Variants in TMEM231 observed in about 807,000 individuals in gnomAD.
TMEM231 encodes transmembrane protein 231.
In TMEM231, 40 loss-of-function variants were observed where a neutral mutation model predicts 38.5. The observed-to-expected ratio is 1.04, with a 90% CI of 0.81 to 1.35. The LOEUF (loss-of-function observed/expected upper bound fraction) is 1.35. TMEM231 is among the 40% of genes most tolerant of loss of function. The pLI is 0.00. For synonymous variants in TMEM231, 199 were observed against 181.7 expected (o/e 1.10, Z -0.77); for missense variants, 420 against 416.9 (o/e 1.01, Z -0.07).
rs138251678 is a variant in TMEM231, at chr16:75,538,538, T to G, written c.*1456A>C. 6.6e-6 allele frequency: 1 copy of G among 152,180 alleles called. No individual in the cohort carries two copies. The highest frequency in any genetic ancestry group is 1.5e-5 in the Non-Finnish European group (1 of 68,006). The allele number at this position is 152,180 out of a possible 1,614,324, so 9.4% of individuals were successfully genotyped here. ...TATTAAAAAAAGACAAGGGGGTCAG[T>G]GTTAGGGAATTCCTCTGCTTGAATA... On this transcript the variant is annotated 3_prime_UTR_variant, in exon 7 of 7. Transcript: ENST00000258173.
rs753713767 is a variant in TMEM231, at chr16:75,537,344, A to AG, written c.*2649dup. 8.5e-5 allele frequency: 13 copies of AG among 152,058 alleles called. No homozygotes were observed. The highest frequency in any genetic ancestry group is 4.1e-4 in the South Asian group (2 of 4,824). The allele number at this position is 152,058 out of a possible 1,614,324, so 9.4% of individuals were successfully genotyped here. On this transcript the variant is annotated 3_prime_UTR_variant, in exon 7 of 7. Coordinates refer to ENST00000258173, the MANE Select transcript of TMEM231 (RefSeq NM_001077418.3). ...TATTAGCCTTACATGATGGAATATTAGGGGGGCCTCATCTGACTTAAGCCG... is the reference window on the plus strand; with the variant it reads ...TATTAGCCTTACATGATGGAATATTAGGGGGGGCCTCATCTGACTTAAGCCG...
intron 2 of TMEM231, chr16:75,555,293 G>A (rs1416497639): frequency 6.5e-6 from 1 of 154,406 alleles, no homozygotes; most frequent in African/African-American, 2.4e-5. Context: ...AGGGAGGCGT[G>A]ACTCGGCCAC....
At chr16:75,552,959 G>C (rs1212607155) in intron 2 of TMEM231, among the ~76,000 whole-genome samples, 1 of 152,154 alleles carries the variant, frequency 6.6e-6, no homozygotes, top group African/African-American at 2.4e-5. Context: ...CTTGAGGCTT[G>C]AGGGGGAAAA....
chr16:75,548,686 T>C (rs1307807086), intron 2 of TMEM231, among the ~76,000 whole-genome samples: 1 of 152,138 alleles, frequency 6.6e-6, no homozygotes, highest in Non-Finnish European at 1.5e-5. Context: ...CTGGGCAACA[T>C]GGCGATACCC....
At chr16:75,546,567 TGAG>T (rs1567437119) in intron 2 of TMEM231, among the ~76,000 whole-genome samples, 2 of 152,072 alleles carry the variant, frequency 1.3e-5, no homozygotes, top group Non-Finnish European at 2.9e-5. Flanking sequence ...CTCAGCCTCC[TGAG>T]GAGCTGGGAT....
chr16:75,546,786 G>C (rs1180591706), intron 2 of TMEM231, among the ~76,000 whole-genome samples: 2 of 152,172 alleles, frequency 1.3e-5, no homozygotes, highest in East Asian at 1.9e-4. Flanking sequence ...GAGTGTCTTT[G>C]CTTCAGATTC....
rs1430188453 is a variant in TMEM231 at position 75,552,889 on chromosome 16, T to TA, written c.309+2914dup. 1.4e-4 allele frequency among the ~76,000 whole-genome samples: 21 copies of TA among 152,314 alleles called. 1 individual carries two copies. The highest frequency in any genetic ancestry group is 1.2e-3 in the Admixed American group (18 of 15,282). ...CCACTCATCCTCTGGAATCCTTCTA[T>TA]AACCTTCAGTCCCTGTATTCTCTGG... On this transcript the variant is annotated intron_variant, in intron 2 of 6. Transcript: ENST00000258173.
In TMEM231 at chr16:75,551,407, C is replaced by T. The variant is rs1437102464; in HGVS notation, c.309+4397G>A. 3.3e-5 allele frequency among the ~76,000 whole-genome samples: 5 copies of T among 152,090 alleles called. No homozygotes were observed. The East Asian group carries it at 5.8e-4, about 18-fold the overall frequency. Reference sequence around the variant, plus strand: ...GTAGGGCCTCACTATGTTGCCTAGGCGGTCTGGAACTCCTGAGCTCAAGGG... The same window carrying T: ...GTAGGGCCTCACTATGTTGCCTAGGTGGTCTGGAACTCCTGAGCTCAAGGG... On this transcript the variant is annotated intron_variant, in intron 2 of 6. Coordinates refer to ENST00000258173, the MANE Select transcript of TMEM231 (RefSeq NM_001077418.3).
chr16:75,544,672 T>C (rs2080662402), intron 4 of TMEM231, among the ~76,000 whole-genome samples: 1 of 152,194 alleles, frequency 6.6e-6, no homozygotes, highest in African/African-American at 2.4e-5. Context: ...ACATGAACAT[T>C]TTACATCATC....
intron 4 of TMEM231, among the ~76,000 whole-genome samples, chr16:75,544,084 GC>G (rs565651000): frequency 2.6e-5 from 4 of 152,212 alleles, no homozygotes; most frequent in Non-Finnish European, 5.9e-5. Context: ...ATCACTTTAA[GC>G]CCCAGTTACG....
At chr16:75,546,108 C>G (rs1386763417) in intron 2 of TMEM231, 154 bp from the exon 3 acceptor site, 3 of 1,539,542 alleles carry the variant, frequency 1.9e-6, no homozygotes, top group Non-Finnish European at 2.6e-6. Context: ...GATGTAAGTG[C>G]ATTAATACTG....
At chr16:75,550,393 T>C (rs2080745126) in intron 2 of TMEM231, among the ~76,000 whole-genome samples, 1 of 152,172 alleles carries the variant, frequency 6.6e-6, no homozygotes, top group Non-Finnish European at 1.5e-5. Flanking sequence ...CATTTCTTTT[T>C]TTCTGCACTC....
At position 75,537,121 on chromosome 16, in the gene TMEM231, CAAAAA is replaced by C. The variant is rs35767878; in HGVS notation, c.*2868_*2872del. ...TGGGTAACAGAGTGAGACTCTGTCTCAAAAAAAAAAAAAAAAAAGAAAAAGAAAAA... is the reference window on the plus strand; with the variant it reads ...TGGGTAACAGAGTGAGACTCTGTCTCAAAAAAAAAAAAAGAAAAAGAAAAA... On this transcript the variant is annotated 3_prime_UTR_variant, in exon 7 of 7. Transcript: ENST00000258173. 4 of 107,194 alleles carry C rather than the reference CAAAAA, an allele frequency of 3.7e-5. No individual in the cohort carries two copies. Among genetic ancestry groups the C allele is most frequent in the Non-Finnish European group, 3.9e-5 (2 of 50,734 alleles). The allele number at this position is 107,194 out of a possible 1,614,324, so 6.6% of individuals were successfully genotyped here. A position where few individuals can be genotyped will look rare whatever the true frequency, so the allele number is the denominator to read the frequency against.
At chr16:75,540,333 C>A (rs747135017) in intron 6 of TMEM231, among the ~76,000 whole-genome samples, 159 bp from the exon 7 acceptor site, 1 of 152,222 alleles carries the variant, frequency 6.6e-6, no homozygotes, top group Non-Finnish European at 1.5e-5. Flanking sequence ...AATGGTAAAA[C>A]CAGCCACATT....
At chr16:75,544,958 T>C (rs890042272) in intron 4 of TMEM231, among the ~76,000 whole-genome samples, 53 of 136,624 alleles carry the variant, frequency 3.9e-4, no homozygotes, top group African/African-American at 1.0e-3. Context: ...TCTTTTTTTT[T>C]TTTTTTTTTT....
rs1011094886 is a variant in TMEM231, at chr16:75,553,705, G to T, written c.309+2099C>A. ...TTTCTTTTTAATTTTTTATTTTTTT[G>T]AAATGTGGGGTCTTGCTATGTTGCC... On this transcript the variant is annotated intron_variant, in intron 2 of 6. Transcript: ENST00000258173. Among the ~76,000 whole-genome samples, 19 of 146,758 alleles carry T rather than the reference G, an allele frequency of 1.3e-4. No homozygotes were observed. The Admixed American group carries it at 1.3e-3, about 10-fold the overall frequency.
Position 75,541,440 on chromosome 16 carries a change from T to G in TMEM231, c.680A>C (p.Asn227Thr). 3 of 1,608,870 alleles carry G rather than the reference T, an allele frequency of 1.9e-6. No homozygotes were observed. Among genetic ancestry groups the G allele is most frequent in the Non-Finnish European group, 2.5e-6 (3 of 1,176,886 alleles). ...CACCAGCCAGATGGGGTTGGGATCA[T>G]TCAGGACGGTGGTAACTGCAATGCA... The part of the protein sequence containing the change: ...YQERNVTTVL[N>T]DPNPIWLVGR... The change falls in exon 6 of 7, where the codon AAT becomes ACT. Residue 227 changes from asparagine to threonine, a missense_variant. Transcript: ENST00000258173.
chr16:75,552,517 T>C (rs1340054417), intron 2 of TMEM231, among the ~76,000 whole-genome samples: 1 of 152,154 alleles, frequency 6.6e-6, no homozygotes, highest in Non-Finnish European at 1.5e-5. Context: ...TCTGGGCCCT[T>C]AAGCAGACTT....
intron 2 of TMEM231, among the ~76,000 whole-genome samples, chr16:75,546,304 A>G (rs936317601): frequency 1.3e-5 from 2 of 152,168 alleles, no homozygotes; most frequent in Non-Finnish European, 2.9e-5. Context: ...CTGAATTTGT[A>G]TGGAAATTTT....
Sources: gnomAD v4.1 joint callset for allele counts (sites outside exome capture counted in the v4.1 genomes callset) on GRCh38, gnomAD v4.1.1 for gene constraint, MANE v1.5 for transcripts, NCBI Gene and HGNC (gene_info 2026-07-23, HGNC 2026-07-21) for gene names.